SLC6A6: variants seen among roughly 807,000 people sequenced by gnomAD.
The protein encoded by SLC6A6 is solute carrier family 6 member 6, also known as sodium- and chloride-dependent taurine transporter.
In SLC6A6, 16 loss-of-function variants were observed where a neutral mutation model predicts 68.8. That is an observed-to-expected ratio of 0.23 (90% CI 0.16 to 0.35). SLC6A6 has a LOEUF of 0.35. SLC6A6 is among the 10% of genes least tolerant of loss of function. The pLI, the probability that SLC6A6 is intolerant of heterozygous loss-of-function variation, is 1.00. For missense variants in SLC6A6, 474 were observed against 802.8 expected (o/e 0.59, Z 4.95); for synonymous variants, 312 against 315.4 (o/e 0.99, Z 0.12).
rs138218276 is a variant in SLC6A6 at position 14,487,093 on chromosome 3, C to T, written c.*2086C>T. 6.5e-6 allele frequency: 1 copy of T among 152,794 alleles called. No individual in the cohort carries two copies. Among genetic ancestry groups the T allele is most frequent in the Non-Finnish European group, 1.5e-5 (1 of 68,046 alleles). The allele number at this position is 152,794 out of a possible 1,614,324, so 9.5% of individuals were successfully genotyped here. The stretch of plus-strand genomic sequence containing the variant: ...CAGGTGGCACGTGGGGAAGAGGGGA[C>T]TTGGCACGCAGTGGCTACCTGGGCA... On this transcript the variant is annotated 3_prime_UTR_variant, in exon 15 of 15. Transcript: ENST00000622186.
At chr3:14,444,471 C>T (rs943225421) in intron 3 of SLC6A6, 41 of 237,984 alleles carry the variant, frequency 1.7e-4, no homozygotes, top group Non-Finnish European at 2.4e-4. Context: ...GTGTTTTTGC[C>T]TGCTGAAGGC....
At chr3:14,417,457 C>T (rs771678106) in intron 2 of SLC6A6, among the ~76,000 whole-genome samples, 2 of 152,088 alleles carry the variant, frequency 1.3e-5, no homozygotes, top group Admixed American at 6.5e-5. Context: ...CCAGGCCGGG[C>T]GCCGTGGCTC....
chr3:14,464,809 T>C (rs1700579054), intron 6 of SLC6A6, among the ~76,000 whole-genome samples: 1 of 152,226 alleles, frequency 6.6e-6, no homozygotes, highest in African/African-American at 2.4e-5. Flanking sequence ...GACTGTGCAG[T>C]GGTTCCTCCA....
At chr3:14,408,727 C>G (rs1699165560) in intron 1 of SLC6A6, among the ~76,000 whole-genome samples, 1 of 152,022 alleles carries the variant, frequency 6.6e-6, no homozygotes, top group Non-Finnish European at 1.5e-5. Flanking sequence ...TCAGTTTTCA[C>G]TTGAGTTTTG....
At position 14,472,376 on chromosome 3, in the gene SLC6A6, A is replaced by G. The variant is rs780890296; in HGVS notation, c.1209+59A>G. ...CCTGTGGGGAACCTGACTCTGGGAA[A>G]GACTCCTTATTCCACCTGGGAGGTG... On this transcript the variant is annotated intron_variant, in intron 10 of 14. Coordinates refer to ENST00000622186, the MANE Select transcript of SLC6A6 (RefSeq NM_003043.6). The surrounding 1 kb of genome is among the most constrained non-coding windows in gnomAD (Gnocchi z 4.5). The G allele has an allele frequency of 4.8e-6, 5 of 1,045,040 alleles. No homozygotes were observed. Among genetic ancestry groups the G allele is most frequent in the Non-Finnish European group, 7.5e-6 (5 of 666,526 alleles). The allele number at this position is 1,045,040 out of a possible 1,614,324, so 64.7% of individuals were successfully genotyped here. A position where few individuals can be genotyped will look rare whatever the true frequency, so the allele number is the denominator to read the frequency against.
chr3:14,449,633 G>A lies in SLC6A6; in HGVS notation c.599+1817G>A, dbSNP rs1166087815. Among the ~76,000 whole-genome samples, 33 of 152,314 alleles carry A rather than the reference G, an allele frequency of 2.2e-4. 1 individual carries two copies. Among genetic ancestry groups the A allele is most frequent in the Non-Finnish European group, 7.3e-5 (5 of 68,028 alleles). On this transcript the variant is annotated intron_variant, in intron 5 of 14. Coordinates refer to ENST00000622186, the MANE Select transcript of SLC6A6 (RefSeq NM_003043.6). The stretch of plus-strand genomic sequence containing the variant: ...GCGGAAGTATCCCGCTCTCTGGGCC[G>A]TGGTATCCTCACCTGCACCTGGGGA...
At chr3:14,461,852 C>T (rs1467313367) in intron 6 of SLC6A6, among the ~76,000 whole-genome samples, 1 of 152,236 alleles carries the variant, frequency 6.6e-6, no homozygotes, top group African/African-American at 2.4e-5. Context: ...TGCCCAGGCC[C>T]TTACCTCCCA....
chr3:14,433,528 A>G (rs1699778171), intron 2 of SLC6A6, among the ~76,000 whole-genome samples: 1 of 152,140 alleles, frequency 6.6e-6, no homozygotes, highest in Non-Finnish European at 1.5e-5. Flanking sequence ...TTAGCTGAGC[A>G]CGGTAGCTCC....
chr3:14,449,918 A>G (rs185548980), intron 5 of SLC6A6, among the ~76,000 whole-genome samples: 83 of 151,874 alleles, frequency 5.5e-4, no homozygotes, highest in Admixed American at 1.3e-3. Context: ...TGTCCAGCTA[A>G]TTTTTGTATT....
At chr3:14,459,097 A>AG (rs1243885483) in intron 6 of SLC6A6, among the ~76,000 whole-genome samples, 4 of 152,182 alleles carry the variant, frequency 2.6e-5, no homozygotes, top group Non-Finnish European at 5.9e-5. Flanking sequence ...GCCTGAACCC[A>AG]GGGCCCTAAG....
intron 6 of SLC6A6, among the ~76,000 whole-genome samples, chr3:14,462,720 C>T (rs1451740773): frequency 6.6e-6 from 1 of 151,990 alleles, no homozygotes; most frequent in Non-Finnish European, 1.5e-5. Context: ...GGGGAAACAG[C>T]AGGAAGGGAC....
intron 14 of SLC6A6, 92 bp from the exon 15 acceptor site, chr3:14,484,775 A>G: frequency 1.5e-6 from 2 of 1,363,700 alleles, no homozygotes; most frequent in Non-Finnish European, 1.0e-6. Context: ...CAAACAGCAC[A>G]TGAGCCAATT....
chr3:14,433,530 G>T (rs1196872611), intron 2 of SLC6A6, among the ~76,000 whole-genome samples: 1 of 152,106 alleles, frequency 6.6e-6, no homozygotes, highest in Non-Finnish European at 1.5e-5. Context: ...AGCTGAGCAC[G>T]GTAGCTCCCA....
chr3:14,427,849 C>T lies in SLC6A6; in HGVS notation c.-12+11396C>T, dbSNP rs147158125. Among the ~76,000 whole-genome samples the T allele has an allele frequency of 9.9e-4, 151 of 152,270 alleles. 1 individual carries two copies. Among genetic ancestry groups the T allele is most frequent in the African/African-American group, 3.5e-3 (145 of 41,552 alleles). On this transcript the variant is annotated intron_variant, in intron 2 of 14. Transcript: ENST00000622186. ...CCACAGCAAAGTCCTTTTCTACTCTCGAGTCCAGTTCCCAGCCCCTGTAAC... is the reference window on the plus strand; with the variant it reads ...CCACAGCAAAGTCCTTTTCTACTCTTGAGTCCAGTTCCCAGCCCCTGTAAC...
chr3:14,423,625 T>G (rs1369728853), intron 2 of SLC6A6, among the ~76,000 whole-genome samples: 1 of 152,154 alleles, frequency 6.6e-6, no homozygotes. Context: ...CTTCCTGTTT[T>G]GGTGCTGTCA....
At chr3:14,415,511 C>T (rs1008895517) in intron 1 of SLC6A6, among the ~76,000 whole-genome samples, 7 of 152,204 alleles carry the variant, frequency 4.6e-5, no homozygotes, top group African/African-American at 7.2e-5. Flanking sequence ...ACCCACTGCC[C>T]ATTTCTGCTG....
At chr3:14,467,757 G>T in intron 7 of SLC6A6, 96 bp from the exon 8 acceptor site, 1 of 696,338 alleles carries the variant, frequency 1.4e-6, no homozygotes, top group Non-Finnish European at 2.5e-6. Context: ...CCGTCCCCAG[G>T]CCATCGCCAG....
chr3:14,447,207 C>T (rs1299318510), intron 4 of SLC6A6, among the ~76,000 whole-genome samples: 1 of 150,672 alleles, frequency 6.6e-6, no homozygotes, highest in African/African-American at 2.4e-5. Flanking sequence ...ATCTATTTAT[C>T]TCATCTATTC....
intron 2 of SLC6A6, among the ~76,000 whole-genome samples, chr3:14,427,406 C>T (rs531161761): frequency 6.6e-6 from 1 of 152,302 alleles, no homozygotes; most frequent in African/African-American, 2.4e-5. Flanking sequence ...ATATGCTGCC[C>T]ACGGTTGCAG....
Sources: gnomAD v4.1 joint callset for allele counts (sites outside exome capture counted in the v4.1 genomes callset) on GRCh38, gnomAD v4.1.1 for gene constraint, Gnocchi (gnomAD v3.1) non-coding constraint, MANE v1.5 for transcripts, NCBI Gene and HGNC (gene_info 2026-07-23, HGNC 2026-07-21) for gene names.